Variants in CACNG2 observed in about 807,000 individuals in gnomAD.
The protein encoded by CACNG2 is voltage-dependent calcium channel gamma-2 subunit.
In CACNG2, 3 loss-of-function variants were observed where a neutral mutation model predicts 25.9. That is an observed-to-expected ratio of 0.12 (90% CI 0.05 to 0.30). The LOEUF (loss-of-function observed/expected upper bound fraction) is 0.30. CACNG2 is among the 10% of genes least tolerant of loss of function. CACNG2 has a pLI of 1.00. For missense variants in CACNG2, 341 were observed against 432.5 expected (o/e 0.79, Z 1.88); for synonymous variants, 167 against 173.3 (o/e 0.96, Z 0.29).
intron 1 of CACNG2, among the ~76,000 whole-genome samples, chr22:36,643,292 C>A (rs74760702): frequency 0.021 from 3,123 of 150,426 alleles, 60 homozygotes; most frequent in Non-Finnish European, 0.032. Flanking sequence ...CCCTTCCTCC[C>A]TTCCTTTTCT....
intron 1 of CACNG2, among the ~76,000 whole-genome samples, chr22:36,663,901 C>T (rs1239976365): frequency 3.3e-5 from 5 of 152,196 alleles, no homozygotes; most frequent in Admixed American, 1.3e-4. Context: ...CCTGAAGAGG[C>T]TCGGAAGGAA....
chr22:36,679,265 AT>A (rs1937064829), intron 1 of CACNG2, among the ~76,000 whole-genome samples: 1 of 140,064 alleles, frequency 7.1e-6, no homozygotes, highest in Admixed American at 7.2e-5. Flanking sequence ...AAAAAAGGAC[AT>A]GTGATGAGTT....
intron 1 of CACNG2, among the ~76,000 whole-genome samples, chr22:36,661,997 T>TTTTTG (rs1936805743): frequency 8.9e-6 from 1 of 112,638 alleles, no homozygotes; most frequent in Non-Finnish European, 1.8e-5. Context: ...TTTTTTTTTT[T>TTTTTG]CAGACGGAGT....
chr22:36,583,438 A>G (rs1002713647), intron 2 of CACNG2, among the ~76,000 whole-genome samples: 2 of 146,698 alleles, frequency 1.4e-5, no homozygotes, highest in African/African-American at 5.5e-5. Context: ...GTCTCAAAAA[A>G]AAAAGAAAAA....
intron 2 of CACNG2, among the ~76,000 whole-genome samples, chr22:36,575,915 G>C (rs565764428): frequency 6.6e-6 from 1 of 152,302 alleles, no homozygotes; most frequent in Admixed American, 6.5e-5. Flanking sequence ...GGATCAATCC[G>C]CATTAGGGGA....
intron 1 of CACNG2, among the ~76,000 whole-genome samples, chr22:36,640,513 C>A (rs1405628906): frequency 6.6e-6 from 1 of 152,206 alleles, no homozygotes; most frequent in Non-Finnish European, 1.5e-5. Context: ...GCCTGCAGGG[C>A]TCACGCTTGG....
intron 1 of CACNG2, among the ~76,000 whole-genome samples, chr22:36,632,559 C>T (rs1262884604): frequency 1.3e-5 from 2 of 151,518 alleles, no homozygotes; most frequent in Non-Finnish European, 2.9e-5. Context: ...AGCATCCTCT[C>T]ATGACTCATG....
At chr22:36,661,873 C>T (rs971154235) in intron 1 of CACNG2, among the ~76,000 whole-genome samples, 1 of 151,462 alleles carries the variant, frequency 6.6e-6, no homozygotes, top group Non-Finnish European at 1.5e-5. Flanking sequence ...AGTTTCTTCA[C>T]CTGGAAAATG....
In CACNG2 at chr22:36,596,039, C is replaced by T. The variant is rs114473989; in HGVS notation, c.212-8491G>A. ...GTTTCTTTAGATACAATAAGCTCCT[C>T]ATAAACCTGGTCATTAGGGGCTGAA... On this transcript the variant is annotated intron_variant, in intron 1 of 3. Transcript: ENST00000300105. Among the ~76,000 whole-genome samples, 182 of 152,378 alleles carry T rather than the reference C, an allele frequency of 1.2e-3. 1 individual carries two copies. The highest frequency in any genetic ancestry group is 4.2e-3 in the African/African-American group (176 of 41,588).
Position 36,601,681 on chromosome 22 carries a change from C to T in CACNG2, c.212-14133G>A, listed in dbSNP as rs59460487. Among the ~76,000 whole-genome samples, 957 of 152,124 alleles carry T rather than the reference C, an allele frequency of 6.3e-3. 11 individuals are homozygous for T. The highest frequency in any genetic ancestry group is 0.021 in the African/African-American group (885 of 41,482). ...TGTATTTTTAGTAGAGAGAGGGTTTCGCCATGTGGGCCAGGCTGGTCTCGA... is the reference window on the plus strand; with the variant it reads ...TGTATTTTTAGTAGAGAGAGGGTTTTGCCATGTGGGCCAGGCTGGTCTCGA... On this transcript the variant is annotated intron_variant, in intron 1 of 3. Transcript: ENST00000300105.
At chr22:36,681,906 TC>T (rs1937129575) in intron 1 of CACNG2, among the ~76,000 whole-genome samples, 2 of 151,918 alleles carry the variant, frequency 1.3e-5, no homozygotes, top group African/African-American at 4.8e-5. Flanking sequence ...AGATAATTAC[TC>T]CCCCCACTCT....
At chr22:36,668,722 C>T (rs1936907757) in intron 1 of CACNG2, among the ~76,000 whole-genome samples, 1 of 152,082 alleles carries the variant, frequency 6.6e-6, no homozygotes. Flanking sequence ...TCTCGAACTC[C>T]TGAGCTCAAG....
chr22:36,657,346 T>C (rs1936721885), intron 1 of CACNG2, among the ~76,000 whole-genome samples: 2 of 152,166 alleles, frequency 1.3e-5, no homozygotes, highest in African/African-American at 4.8e-5. Context: ...GAGGAGATTA[T>C]AATTTGTGGT....
intron 1 of CACNG2, among the ~76,000 whole-genome samples, chr22:36,691,336 T>C (rs1387962443): frequency 6.6e-6 from 1 of 152,044 alleles, no homozygotes. Flanking sequence ...TGTATTCACT[T>C]CCGCACCTTC....
intron 1 of CACNG2, among the ~76,000 whole-genome samples, chr22:36,690,704 C>T (rs1185608380): frequency 6.6e-6 from 1 of 152,104 alleles, no homozygotes; most frequent in Non-Finnish European, 1.5e-5. Flanking sequence ...GGGATTTGAA[C>T]CCAGGCTGTC....
At chr22:36,650,355 G>A (rs1455675989) in intron 1 of CACNG2, among the ~76,000 whole-genome samples, 1 of 151,898 alleles carries the variant, frequency 6.6e-6, no homozygotes, top group Non-Finnish European at 1.5e-5. Flanking sequence ...CAAACACACT[G>A]GCCTCCTTGC....
chr22:36,684,241 T>C (rs1166923032), intron 1 of CACNG2, among the ~76,000 whole-genome samples: 1 of 152,196 alleles, frequency 6.6e-6, no homozygotes, highest in Non-Finnish European at 1.5e-5. Context: ...GTTAAAAATA[T>C]AACTAGTGAA....
intron 1 of CACNG2, among the ~76,000 whole-genome samples, chr22:36,621,720 G>T (rs1188117737): frequency 6.6e-6 from 1 of 152,108 alleles, no homozygotes; most frequent in African/African-American, 2.4e-5. Context: ...ACTCCCCTGT[G>T]CTCCCCTGTG....
chr22:36,624,318 T>C (rs1380062128), intron 1 of CACNG2, among the ~76,000 whole-genome samples: 1 of 152,182 alleles, frequency 6.6e-6, no homozygotes, highest in Non-Finnish European at 1.5e-5. Flanking sequence ...CGCACAGTAC[T>C]GACTGCATGC....
Sources: gnomAD v4.1 joint callset for allele counts (sites outside exome capture counted in the v4.1 genomes callset) on GRCh38, gnomAD v4.1.1 for gene constraint, MANE v1.5 for transcripts, NCBI Gene and HGNC (gene_info 2026-07-23, HGNC 2026-07-21) for gene names.